DIAPH1: variants seen among roughly 807,000 people sequenced by gnomAD.
DIAPH1 encodes the protein protein diaphanous homolog 1.
Under a neutral mutation model 140.7 loss-of-function variants are expected in DIAPH1, and 46 were observed. That is an observed-to-expected ratio of 0.33 (90% CI 0.26 to 0.42). The LOEUF (loss-of-function observed/expected upper bound fraction) is 0.42. DIAPH1 is among the 10% of genes least tolerant of loss of function. DIAPH1 has a pLI of 1.00. For synonymous variants in DIAPH1, 565 were observed against 551.6 expected (o/e 1.02, Z -0.34); for missense variants, 1,310 against 1,558.7 (o/e 0.84, Z 2.69).
chr5:141,547,402 T>C (rs1012910703), intron 18 of DIAPH1, among the ~76,000 whole-genome samples: 1 of 152,080 alleles, frequency 6.6e-6, no homozygotes, highest in African/African-American at 2.4e-5. Flanking sequence ...GAGACGGAGC[T>C]TGCAGTGAGC....
At chr5:141,582,402 G>C (rs752726009) in intron 6 of DIAPH1, 27 bp from the exon 7 acceptor site, 52 of 1,552,532 alleles carry the variant, frequency 3.3e-5, no homozygotes, top group Non-Finnish European at 4.6e-5. Flanking sequence ...TAATCAGTGA[G>C]GTCCCTTTAT....
At chr5:141,539,518 C>T (rs2099889630) in intron 18 of DIAPH1, among the ~76,000 whole-genome samples, 2 of 150,880 alleles carry the variant, frequency 1.3e-5, no homozygotes, top group Non-Finnish European at 1.5e-5. Context: ...GATCCGCCCA[C>T]CTCGGCCTCC....
At chr5:141,609,763 G>A (rs1362571193) in intron 1 of DIAPH1, among the ~76,000 whole-genome samples, 1 of 152,110 alleles carries the variant, frequency 6.6e-6, no homozygotes, top group African/African-American at 2.4e-5. Flanking sequence ...CAGGAAGACT[G>A]GCATTACACA....
chr5:141,567,633 T>C (rs1057184136), intron 18 of DIAPH1, among the ~76,000 whole-genome samples: 2 of 152,200 alleles, frequency 1.3e-5, no homozygotes, highest in East Asian at 3.8e-4. Flanking sequence ...CACAAAACCT[T>C]GCTGCTAAAG....
At chr5:141,545,521 A>G (rs2099890666) in intron 18 of DIAPH1, among the ~76,000 whole-genome samples, 1 of 151,986 alleles carries the variant, frequency 6.6e-6, no homozygotes, top group South Asian at 2.1e-4. Flanking sequence ...GCACATGCTT[A>G]TAGTCCCAGC....
chr5:141,519,135 C>T (rs2099886145), intron 27 of DIAPH1: 11 of 801,410 alleles, frequency 1.4e-5, no homozygotes, highest in East Asian at 1.1e-4. Flanking sequence ...ACTAATGCCC[C>T]GTGACTGAGA....
intron 1 of DIAPH1, among the ~76,000 whole-genome samples, chr5:141,597,930 G>C (rs2099899570): frequency 6.6e-6 from 1 of 152,210 alleles, no homozygotes; most frequent in Admixed American, 6.5e-5. Flanking sequence ...AGAAAATACA[G>C]AGCAGTGTAC....
At chr5:141,560,056 A>T (rs1015613787) in intron 18 of DIAPH1, among the ~76,000 whole-genome samples, 5 of 152,196 alleles carry the variant, frequency 3.3e-5, no homozygotes, top group Non-Finnish European at 7.3e-5. Context: ...ATGACTTTTT[A>T]AAAAATGCCA....
At chr5:141,534,773 G>T (rs915449661) in intron 18 of DIAPH1, among the ~76,000 whole-genome samples, 1 of 152,126 alleles carries the variant, frequency 6.6e-6, no homozygotes, top group Non-Finnish European at 1.5e-5. Flanking sequence ...ATTCAACTCT[G>T]CCACTGTAGC....
At chr5:141,538,067 T>G (rs1340246709) in intron 18 of DIAPH1, among the ~76,000 whole-genome samples, 1 of 146,628 alleles carries the variant, frequency 6.8e-6, no homozygotes, top group Admixed American at 6.8e-5. Flanking sequence ...GTTTTTTTGT[T>G]TTTTTTTTTT....
intron 8 of DIAPH1, 52 bp downstream of exon 8, chr5:141,580,692 G>A (rs2099896626): frequency 1.2e-6 from 2 of 1,600,798 alleles, no homozygotes; most frequent in Admixed American, 1.7e-5. Flanking sequence ...TCTGAACTAA[G>A]AGAAAATGAT....
intron 18 of DIAPH1, among the ~76,000 whole-genome samples, chr5:141,539,564 C>T (rs1041745870): frequency 6.6e-6 from 1 of 151,856 alleles, no homozygotes; most frequent in African/African-American, 2.4e-5. Flanking sequence ...GCCACCGTGC[C>T]CCCAGCCTTT....
intron 3 of DIAPH1, among the ~76,000 whole-genome samples, chr5:141,586,426 T>C (rs59209877): frequency 1.3e-5 from 2 of 152,334 alleles, no homozygotes; most frequent in African/African-American, 2.4e-5. Context: ...ATACAGGTCT[T>C]AGGAAATCTT....
intron 19 of DIAPH1, among the ~76,000 whole-genome samples, 195 bp from the exon 20 acceptor site, chr5:141,529,892 T>G (rs1366271406): frequency 1.3e-5 from 2 of 152,008 alleles, no homozygotes; most frequent in African/African-American, 4.8e-5. Context: ...GAGACCAGCC[T>G]AGGCAACATG....
chr5:141,602,618 G>A lies in DIAPH1; in HGVS notation c.118-14368C>T, dbSNP rs146515497. ...GTCTTCCTATCTCTAGGGTTCTGTT[G>A]TCTCAGAGGACTAGTATGAAGAATA... On this transcript the variant is annotated intron_variant, in intron 1 of 27. Coordinates refer to ENST00000389054, the MANE Select transcript of DIAPH1 (RefSeq NM_005219.5). Among the ~76,000 whole-genome samples, 1,151 of 152,266 alleles carry A rather than the reference G, an allele frequency of 7.6e-3. 19 individuals carry two copies. The highest frequency in any genetic ancestry group is 0.026 in the African/African-American group (1,093 of 41,548).
At chr5:141,569,253 C>T (rs1016370818) in intron 18 of DIAPH1, among the ~76,000 whole-genome samples, 3 of 152,080 alleles carry the variant, frequency 2.0e-5, no homozygotes, top group Non-Finnish European at 4.4e-5. Context: ...AATTCTGACA[C>T]TTTTTATACA....
intron 18 of DIAPH1, among the ~76,000 whole-genome samples, chr5:141,551,035 A>G (rs1255487892): frequency 2.0e-5 from 3 of 152,254 alleles, no homozygotes; most frequent in South Asian, 2.1e-4. Flanking sequence ...TTTTTTCTAT[A>G]AAGGACATTA....
At position 141,573,966 on chromosome 5, in the gene DIAPH1, G is replaced by A. The variant is rs374745483; in HGVS notation, c.1884C>T (p.Ser628=). 3 of 1,551,084 alleles carry A rather than the reference G, an allele frequency of 1.9e-6. No homozygotes were observed. Among genetic ancestry groups the A allele is most frequent in the Non-Finnish European group, 8.7e-7 (1 of 1,147,424 alleles). The part of the protein sequence containing the change: ...PPPLPGGVCI[S]SPPSLPGGTA... ...TACCTCCAGGTAAAGAAGGGGGTGAGGAGATGCAAACACCCCCAGGCAAAG... is the reference window on the plus strand; with the variant it reads ...TACCTCCAGGTAAAGAAGGGGGTGAAGAGATGCAAACACCCCCAGGCAAAG... The change falls in exon 16 of 28, where the codon TCC becomes TCT. Residue 628 remains serine (S), a synonymous_variant. Coordinates refer to ENST00000389054, the MANE Select transcript of DIAPH1 (RefSeq NM_005219.5).
chr5:141,528,047 T>C (rs1409966584), intron 23 of DIAPH1, among the ~76,000 whole-genome samples: 2 of 152,222 alleles, frequency 1.3e-5, no homozygotes, highest in African/African-American at 4.8e-5. Context: ...AGGAAGGAGA[T>C]ATACATAGAA....
Sources: gnomAD v4.1 joint callset for allele counts (sites outside exome capture counted in the v4.1 genomes callset) on GRCh38, gnomAD v4.1.1 for gene constraint, MANE v1.5 for transcripts, NCBI Gene and HGNC (gene_info 2026-07-23, HGNC 2026-07-21) for gene names.